DYNC2H1: variants seen among roughly 807,000 people sequenced by gnomAD.
DYNC2H1 encodes the protein cytoplasmic dynein 2 heavy chain 1.
A neutral mutation model predicts 570.0 loss-of-function variants in DYNC2H1; 410 were observed. The observed-to-expected ratio is 0.72, with a 90% CI of 0.66 to 0.78. The LOEUF is 0.78. Among genes scored for constraint, DYNC2H1 ranks in the 30% least tolerant of loss-of-function variants. The probability of loss-of-function intolerance (pLI) is 0.00; values close to 1 mark genes in which losing one functional copy is unlikely to be tolerated. For synonymous variants in DYNC2H1, 1,688 were observed against 1,677.6 expected (o/e 1.01, Z -0.15); for missense variants, 4,865 against 5,046.4 (o/e 0.96, Z 1.09).
chr11:103,182,306 A>G (rs1861887114), intron 40 of DYNC2H1, among the ~76,000 whole-genome samples: 1 of 150,708 alleles, frequency 6.6e-6, no homozygotes, highest in African/African-American at 2.4e-5. Context: ...ATACCAATAA[A>G]TACCTATATA....
chr11:103,153,734 T>G (rs933760809), intron 22 of DYNC2H1, among the ~76,000 whole-genome samples: 1 of 151,936 alleles, frequency 6.6e-6, no homozygotes, highest in Non-Finnish European at 1.5e-5. Flanking sequence ...AGAAGATAGA[T>G]TTACCTAGAA....
At position 103,281,713 on chromosome 11, in the gene DYNC2H1, T is replaced by C. The variant is rs1012792015; in HGVS notation, c.10762-466T>C. Among the ~76,000 whole-genome samples the C allele has an allele frequency of 3.9e-5, 5 of 128,548 alleles. 1 individual carries two copies. The highest frequency in any genetic ancestry group is 2.9e-4 in the Admixed American group (4 of 13,620). The allele number at this position is 128,548 out of a possible 152,430, so 84.3% of individuals were successfully genotyped here. The stretch of plus-strand genomic sequence containing the variant: ...CAACACTTGATTAATCTTAATTCTA[T>C]GGCAAAAAAAAAAAAAAGATTAATG... On this transcript the variant is annotated intron_variant, in intron 71 of 88. Transcript: ENST00000375735.
intron 13 of DYNC2H1, among the ~76,000 whole-genome samples, chr11:103,130,015 G>A (rs1859192404): frequency 6.6e-6 from 1 of 152,168 alleles, no homozygotes; most frequent in East Asian, 1.9e-4. Context: ...AAAGGTGCAT[G>A]ATGGGGTGAA....
At chr11:103,413,391 T>C (rs1282609382) in intron 84 of DYNC2H1, among the ~76,000 whole-genome samples, 2 of 148,608 alleles carry the variant, frequency 1.3e-5, no homozygotes, top group African/African-American at 5.2e-5. Flanking sequence ...ATAATATTTA[T>C]GTTAAATAAC....
Position 103,401,412 on chromosome 11 carries a change from A to C in DYNC2H1, c.12366+1540A>C, listed in dbSNP as rs947088314. ...AGATGACATGTAGAAGAGAAGAGTA[A>C]GTCTAGTAGGACGGGTACACAATGA... On this transcript the variant is annotated intron_variant, in intron 84 of 88. Coordinates refer to ENST00000375735, the MANE Select transcript of DYNC2H1 (RefSeq NM_001377.3). Among the ~76,000 whole-genome samples, 10 of 152,302 alleles carry C rather than the reference A, an allele frequency of 6.6e-5. 1 individual carries two copies. Among genetic ancestry groups the C allele is most frequent in the African/African-American group, 2.4e-5 (1 of 41,580 alleles).
At chr11:103,398,025 A>C (rs2135638515) in intron 83 of DYNC2H1, among the ~76,000 whole-genome samples, 1 of 152,362 alleles carries the variant, frequency 6.6e-6, no homozygotes, top group South Asian at 2.1e-4. Flanking sequence ...CAATGCTATC[A>C]ACTTAATAAA....
At chr11:103,162,287 G>GA (rs767432760) in intron 29 of DYNC2H1, among the ~76,000 whole-genome samples, 3 of 149,614 alleles carry the variant, frequency 2.0e-5, no homozygotes, top group African/African-American at 4.9e-5. Flanking sequence ...TCTACAGATT[G>GA]AAAAAAAAAG....
rs1419821485 is a variant in DYNC2H1 at position 103,198,017 on chromosome 11, C to G, written c.7793C>G (p.Pro2598Arg). Residue 2598 changes from proline to arginine, a missense_variant, in exon 48 of 89, where the codon CCA (proline) becomes CGA (arginine). Pro to Arg is a moderately radical substitution (Grantham distance 103). Transcript: ENST00000375735. ...PGQPLPPHGK[P>R]LGKLNSTDLK... ...CAACCATTACCTCCACATGGAAAAC[C>G]ACTTGGAAAACTAAACTCTACTGAT... The G allele has an allele frequency of 6.4e-7, 1 of 1,554,848 alleles. No homozygotes were observed. Among genetic ancestry groups the G allele is most frequent in the Non-Finnish European group, 8.7e-7 (1 of 1,148,502 alleles).
At chr11:103,332,312 G>GAAAAAAAAAAAA in intron 82 of DYNC2H1, among the ~76,000 whole-genome samples, 1 of 122,544 alleles carries the variant, frequency 8.2e-6, no homozygotes, top group Non-Finnish European at 1.7e-5. Context: ...AAAAAACTGG[G>GAAAAAAAAAAAA]AAAAAAAAAA....
In DYNC2H1 at chr11:103,181,094, G is replaced by A. The variant is rs1025043123; in HGVS notation, c.6348-663G>A. Among the ~76,000 whole-genome samples, 2 of 151,320 alleles carry A rather than the reference G, an allele frequency of 1.3e-5. No individual in the cohort carries two copies. Among genetic ancestry groups the A allele is most frequent in the African/African-American group, 4.8e-5 (2 of 41,292 alleles). ...GTGAATCTCTATTATTTCACCAATT[G>A]GATTTTGGTGAAATAATTGAATTTT... On this transcript the variant is annotated intron_variant, in intron 39 of 88. Coordinates refer to ENST00000375735, the MANE Select transcript of DYNC2H1 (RefSeq NM_001377.3). This position sits in a 1 kb window ranked among gnomAD's most constrained non-coding sequence, Gnocchi z 5.0.
rs1945020758 is a variant in DYNC2H1 at position 103,461,743 on chromosome 11, A to G, written c.12648+5387A>G. On this transcript the variant is annotated intron_variant, in intron 87 of 88. Transcript: ENST00000375735. The surrounding 1 kb of genome is among the most constrained non-coding windows in gnomAD (Gnocchi z 4.8). Reference sequence around the variant, plus strand: ...TCTTCAAGGTTTTTTTTTTTTAATAATGTTTAATACTTTCTATTATTAAAC... The same window carrying G: ...TCTTCAAGGTTTTTTTTTTTTAATAGTGTTTAATACTTTCTATTATTAAAC... Among the ~76,000 whole-genome samples the G allele has an allele frequency of 6.6e-6, 1 of 151,562 alleles. No individual in the cohort carries two copies.
chr11:103,225,097 C>T (rs1052527912), intron 59 of DYNC2H1, among the ~76,000 whole-genome samples: 2 of 151,638 alleles, frequency 1.3e-5, no homozygotes, highest in Admixed American at 6.6e-5. Context: ...TTGATGGAGT[C>T]GTTTGTTTTT....
chr11:103,136,444 C>G (rs1859557110), intron 17 of DYNC2H1, among the ~76,000 whole-genome samples: 1 of 149,904 alleles, frequency 6.7e-6, no homozygotes, highest in Non-Finnish European at 1.5e-5. Flanking sequence ...TCTCATTGTT[C>G]AATTCCCACC....
chr11:103,467,388 T>C (rs185134251), intron 87 of DYNC2H1, among the ~76,000 whole-genome samples: 147 of 152,332 alleles, frequency 9.6e-4, no homozygotes, highest in Admixed American at 7.8e-4. Flanking sequence ...GATTCTCTCC[T>C]AGCACCTAAA....
chr11:103,265,730 A>G (rs1400421818), intron 70 of DYNC2H1, among the ~76,000 whole-genome samples: 1 of 152,202 alleles, frequency 6.6e-6, no homozygotes, highest in Non-Finnish European at 1.5e-5. Context: ...TTTGGAGGAA[A>G]GAAGGCACTC....
At chr11:103,206,985 A>G (rs1862952492) in intron 52 of DYNC2H1, among the ~76,000 whole-genome samples, 1 of 151,996 alleles carries the variant, frequency 6.6e-6, no homozygotes, top group Non-Finnish European at 1.5e-5. Flanking sequence ...GTGGTTGTGC[A>G]ATCTCGGCTC....
chr11:103,327,434 T>A (rs1938555124), intron 82 of DYNC2H1, among the ~76,000 whole-genome samples: 1 of 152,118 alleles, frequency 6.6e-6, no homozygotes, highest in South Asian at 2.1e-4. Context: ...ATTAAAAGAA[T>A]AAAAAGTTAT....
rs1437475903 is a variant in DYNC2H1, at chr11:103,133,191, A to G, written c.1954-364A>G. On this transcript the variant is annotated intron_variant, in intron 13 of 88. Coordinates refer to ENST00000375735, the MANE Select transcript of DYNC2H1 (RefSeq NM_001377.3). The surrounding 1 kb of genome is among the most constrained non-coding windows in gnomAD (Gnocchi z 4.8). ...TGAGTCTGTGCCTGTCAGTGGTTCC[A>G]GATTGGAATCTTCTCTAGCGCCCTG... Among the ~76,000 whole-genome samples, 1 of 152,160 alleles carries G rather than the reference A, an allele frequency of 6.6e-6. No homozygotes were observed. Among genetic ancestry groups the G allele is most frequent in the African/African-American group, 2.4e-5 (1 of 41,448 alleles).
At chr11:103,283,122 T>C in intron 73 of DYNC2H1, 37 bp downstream of exon 73, 1 of 1,520,466 alleles carries the variant, frequency 6.6e-7, no homozygotes, top group Non-Finnish European at 9.0e-7. Flanking sequence ...TTTTAATTTC[T>C]TCTGTATTTG....
Sources: gnomAD v4.1 joint callset for allele counts (sites outside exome capture counted in the v4.1 genomes callset) on GRCh38, gnomAD v4.1.1 for gene constraint, Gnocchi (gnomAD v3.1) non-coding constraint, MANE v1.5 for transcripts, NCBI Gene and HGNC (gene_info 2026-07-23, HGNC 2026-07-21) for gene names.